BICD1: variants seen among roughly 807,000 people sequenced by gnomAD.
BICD1 encodes the protein BICD cargo adaptor 1.
BICD1 carries 35 observed loss-of-function variants against 92.5 expected under a neutral mutation model. The ratio of observed to expected loss-of-function variants is 0.38; its 90% confidence interval spans 0.29 to 0.50. The LOEUF (loss-of-function observed/expected upper bound fraction) is 0.50, where lower values mean the gene tolerates loss of function less well. Among genes scored for constraint, BICD1 ranks in the 20% least tolerant of loss-of-function variants. The pLI is 0.93. For synonymous variants in BICD1, 429 were observed against 465.1 expected, an observed-to-expected ratio of 0.92 and a Z score of 1.00; for missense variants, 950 against 1,189.8, an observed-to-expected ratio of 0.80 and a Z score of 2.97.
chr12:32,369,778 T>C (rs1454692961), intron 9 of BICD1, among the ~76,000 whole-genome samples: 5 of 151,754 alleles, frequency 3.3e-5, no homozygotes, highest in Admixed American at 2.6e-4. Flanking sequence ...TAATGGCACA[T>C]GGCTGTAGTC....
At chr12:32,206,104 C>T (rs1945049425) in intron 1 of BICD1, among the ~76,000 whole-genome samples, 1 of 152,070 alleles carries the variant, frequency 6.6e-6, no homozygotes, top group African/African-American at 2.4e-5. Flanking sequence ...TTTTTATTCA[C>T]CAATTGATGG....
At chr12:32,109,564 G>C (rs963896972) in intron 1 of BICD1, 12 of 151,598 alleles carry the variant, frequency 7.9e-5, no homozygotes, top group Non-Finnish European at 1.8e-4. Context: ...CTATATAGCA[G>C]GAGGTTAATA....
intron 1 of BICD1, among the ~76,000 whole-genome samples, chr12:32,141,763 C>T (rs1942927991): frequency 6.6e-6 from 1 of 152,154 alleles, no homozygotes; most frequent in Non-Finnish European, 1.5e-5. Flanking sequence ...CGTGAGCCAC[C>T]GCGCCTGGCC....
At chr12:32,293,609 T>C (rs2252562) in intron 2 of BICD1, among the ~76,000 whole-genome samples, 70,142 of 151,574 alleles carry the variant, frequency 0.46, 17,024 homozygotes, top group Middle Eastern at 0.56. Flanking sequence ...GGATTACAGG[T>C]GTGAGCCACA....
intron 2 of BICD1, among the ~76,000 whole-genome samples, chr12:32,269,585 G>A (rs1450873316): frequency 6.6e-6 from 1 of 152,126 alleles, no homozygotes; most frequent in Admixed American, 6.5e-5. Flanking sequence ...AAAAAGATAG[G>A]TAAATATTTA....
At chr12:32,342,202 GTGTATATATATATATATA>G (rs1177648796) in intron 8 of BICD1, among the ~76,000 whole-genome samples, 9 of 98,460 alleles carry the variant, frequency 9.1e-5, no homozygotes, top group African/African-American at 3.2e-4. Context: ...ATGTGTGTGT[GTGTATATATATATATATA>G]TATATATATA....
chr12:32,359,254 G>T (rs933905945), intron 8 of BICD1, among the ~76,000 whole-genome samples: 2 of 152,058 alleles, frequency 1.3e-5, no homozygotes, highest in Non-Finnish European at 2.9e-5. Flanking sequence ...AAGATTTTTG[G>T]TCTAAAGTGG....
chr12:32,338,955 A>G lies in BICD1; in HGVS notation c.2740A>G (p.Lys914Glu). 6 of 1,601,688 alleles carry G rather than the reference A, an allele frequency of 3.7e-6. No individual in the cohort carries two copies. Among genetic ancestry groups the G allele is most frequent in the Non-Finnish European group, 5.1e-6 (6 of 1,175,752 alleles). The stretch of plus-strand genomic sequence containing the variant: ...CCAAGGGCACCGGCTCAGCAAGGAA[A>G]AAAGGTTAACCGTGGCTCCACCAGG... ...FIQGHRLSKEKRLTVAPPDCQ... is the reference protein window; with the variant it reads ...FIQGHRLSKEERLTVAPPDCQ... The change falls in exon 8 of 10, where the codon AAA becomes GAA. Residue 914 changes from lysine (K) to glutamate (E), a missense_variant. Lys to Glu is a moderately conservative substitution (Grantham distance 56). Coordinates refer to ENST00000652176, the MANE Select transcript of BICD1 (RefSeq NM_001714.4).
At chr12:32,225,621 G>GTTTTTGTTTGTT (rs1411722126) in intron 2 of BICD1, among the ~76,000 whole-genome samples, 2 of 92,776 alleles carry the variant, frequency 2.2e-5, no homozygotes, top group South Asian at 5.0e-4. Flanking sequence ...CTTTTTTTCT[G>GTTTTTGTTTGTT]TTTTTTTTTT....
chr12:32,360,093 G>A (rs1939264266), intron 8 of BICD1, among the ~76,000 whole-genome samples: 1 of 152,018 alleles, frequency 6.6e-6, no homozygotes, highest in Non-Finnish European at 1.5e-5. Flanking sequence ...GCTGAGGCAG[G>A]AGAATGGTGT....
intron 8 of BICD1, chr12:32,340,658 C>G: frequency 4.2e-5 from 16 of 378,590 alleles, no homozygotes; most frequent in South Asian, 1.1e-4. Context: ...TGAATATATA[C>G]TTTATATTGT....
At chr12:32,343,279 T>C (rs1056301840) in intron 8 of BICD1, among the ~76,000 whole-genome samples, 3 of 152,190 alleles carry the variant, frequency 2.0e-5, no homozygotes, top group African/African-American at 7.2e-5. Context: ...GCCAGCATTT[T>C]ATCTTGACTC....
rs142295008 is a variant in BICD1, at chr12:32,127,376, A to G, written c.213+19832A>G. Among the ~76,000 whole-genome samples, 15 of 152,090 alleles carry G rather than the reference A, an allele frequency of 9.9e-5. No homozygotes were observed. In the East Asian group the frequency reaches 2.7e-3, roughly 27 times the overall value. On this transcript the variant is annotated intron_variant, in intron 1 of 9. Transcript: ENST00000652176. ...AAATTTTTTCCCATGATTCCACCCC[A>G]CCCCCCAATAAAATTAGCCAGTGAT...
At chr12:32,331,330 A>C (rs1937859160) in intron 5 of BICD1, among the ~76,000 whole-genome samples, 1 of 152,208 alleles carries the variant, frequency 6.6e-6, no homozygotes, top group African/African-American at 2.4e-5. Context: ...ACAAGACAGG[A>C]CTTATCAAGC....
At chr12:32,298,346 G>T (rs1947933392) in intron 3 of BICD1, among the ~76,000 whole-genome samples, 1 of 151,978 alleles carries the variant, frequency 6.6e-6, no homozygotes, top group Admixed American at 6.6e-5. Context: ...CGGATCGCGA[G>T]GTCAGGAGTT....
At chr12:32,191,925 A>C (rs1592448776) in intron 1 of BICD1, among the ~76,000 whole-genome samples, 1 of 152,020 alleles carries the variant, frequency 6.6e-6, no homozygotes, top group Non-Finnish European at 1.5e-5. Context: ...TATTGAGATT[A>C]AACCAATTAA....
At chr12:32,125,942 G>A (rs551291755) in intron 1 of BICD1, among the ~76,000 whole-genome samples, 9 of 151,600 alleles carry the variant, frequency 5.9e-5, no homozygotes, top group South Asian at 2.1e-4. Context: ...CCAGCTGCTC[G>A]GGAGCCTGAG....
intron 1 of BICD1, among the ~76,000 whole-genome samples, chr12:32,144,520 T>G (rs1943047004): frequency 6.6e-6 from 1 of 152,228 alleles, no homozygotes; most frequent in Non-Finnish European, 1.5e-5. Flanking sequence ...AAAATATGTC[T>G]TCTTAGATAT....
At chr12:32,244,070 A>G (rs559905503) in intron 2 of BICD1, among the ~76,000 whole-genome samples, 2 of 152,166 alleles carry the variant, frequency 1.3e-5, no homozygotes, top group Non-Finnish European at 2.9e-5. Flanking sequence ...AAGAAGACTC[A>G]TTCTTTATCT....
Sources: gnomAD v4.1 joint callset for allele counts (sites outside exome capture counted in the v4.1 genomes callset) on GRCh38, gnomAD v4.1.1 for gene constraint, MANE v1.5 for transcripts, NCBI Gene and HGNC (gene_info 2026-07-23, HGNC 2026-07-21) for gene names.